SND1: variants seen among roughly 807,000 people sequenced by gnomAD.
The protein encoded by SND1 is staphylococcal nuclease domain-containing protein 1.
A neutral mutation model predicts 121.7 loss-of-function variants in SND1; 38 were observed. The observed-to-expected ratio is 0.31, with a 90% CI of 0.24 to 0.41. The LOEUF (loss-of-function observed/expected upper bound fraction) is 0.41, where lower values mean the gene tolerates loss of function less well. Ranked by LOEUF, SND1 falls within the 10% of genes least tolerant of loss-of-function variation. The pLI is 1.00. For missense variants in SND1, 868 were observed against 1,184.6 expected (o/e 0.73, Z 3.92); for synonymous variants, 401 against 447.4 (o/e 0.90, Z 1.31).
intron 16 of SND1, among the ~76,000 whole-genome samples, chr7:128,063,287 C>A (rs756548924): frequency 3.3e-5 from 5 of 152,226 alleles, no homozygotes; most frequent in Non-Finnish European, 7.3e-5. Flanking sequence ...GGAGGCCATC[C>A]TCACTCCAGT....
chr7:128,071,916 GGC>G (rs1793419816), intron 16 of SND1, among the ~76,000 whole-genome samples: 1 of 152,176 alleles, frequency 6.6e-6, no homozygotes, highest in African/African-American at 2.4e-5. Flanking sequence ...CGGCTGGCTG[GGC>G]CCAGGGACTT....
intron 15 of SND1, among the ~76,000 whole-genome samples, chr7:127,955,889 C>T (rs115453951): frequency 1.3e-3 from 203 of 152,198 alleles, no homozygotes; most frequent in African/African-American, 4.6e-3. Flanking sequence ...ATGATCTATA[C>T]CCTGTTCATC....
chr7:127,984,511 G>C (rs1379115558), intron 15 of SND1, among the ~76,000 whole-genome samples: 1 of 152,108 alleles, frequency 6.6e-6, no homozygotes, highest in Non-Finnish European at 1.5e-5. Context: ...TCTGCGCCCT[G>C]ACAGTTCATC....
intron 18 of SND1, among the ~76,000 whole-genome samples, chr7:128,083,691 A>G (rs1003970561): frequency 4.6e-5 from 7 of 152,224 alleles, no homozygotes; most frequent in African/African-American, 1.7e-4. Context: ...AACAACAGAC[A>G]TATGTTGCGC....
intron 9 of SND1, chr7:127,718,577 G>A: frequency 1.0e-6 from 1 of 985,404 alleles, no homozygotes; most frequent in South Asian, 4.7e-5. Flanking sequence ...AGTTCCTGAA[G>A]AGGAGGTTTC....
chr7:127,889,198 T>A (rs1255723160), intron 13 of SND1, among the ~76,000 whole-genome samples: 2 of 152,054 alleles, frequency 1.3e-5, no homozygotes, highest in Non-Finnish European at 2.9e-5. Context: ...AGCTCATTAA[T>A]GGTCATTTAA....
intron 15 of SND1, among the ~76,000 whole-genome samples, chr7:127,984,381 G>C (rs1286327101): frequency 6.6e-6 from 1 of 152,190 alleles, no homozygotes; most frequent in Non-Finnish European, 1.5e-5. Flanking sequence ...AATCCTTGAA[G>C]TGTTATATAA....
At chr7:128,068,220 C>A (rs947057082) in intron 16 of SND1, among the ~76,000 whole-genome samples, 1 of 152,164 alleles carries the variant, frequency 6.6e-6, no homozygotes, top group Non-Finnish European at 1.5e-5. Flanking sequence ...ATCTTCCCCA[C>A]ACTTACCACA....
rs540954697 is a variant in SND1 at position 127,935,598 on chromosome 7, G to A, written c.1669+6269G>A. Among the ~76,000 whole-genome samples, 53 of 152,290 alleles carry A rather than the reference G, an allele frequency of 3.5e-4. 1 individual carries two copies. The highest frequency in any genetic ancestry group is 3.5e-3 in the Admixed American group (53 of 15,296). ...AAGGGATGAGATGCATGGAGAACGT[G>A]GTTTGAGGGAGTAGGCTTGGAGAGA... On this transcript the variant is annotated intron_variant, in intron 15 of 23. Coordinates refer to ENST00000354725, the MANE Select transcript of SND1 (RefSeq NM_014390.4).
chr7:127,930,132 C>T (rs1198195947), intron 15 of SND1, among the ~76,000 whole-genome samples: 1 of 152,052 alleles, frequency 6.6e-6, no homozygotes, highest in African/African-American at 2.4e-5. Context: ...CCACCACCAC[C>T]CCCACCCCGC....
chr7:127,982,638 G>A (rs189286451), intron 15 of SND1, among the ~76,000 whole-genome samples: 1 of 152,306 alleles, frequency 6.6e-6, no homozygotes, highest in East Asian at 1.9e-4. Flanking sequence ...ACAAACTGTA[G>A]CCTCATATCA....
chr7:128,054,111 G>A (rs1793095701), intron 16 of SND1, among the ~76,000 whole-genome samples: 1 of 152,258 alleles, frequency 6.6e-6, no homozygotes, highest in Non-Finnish European at 1.5e-5. Flanking sequence ...CTGGGGCTGA[G>A]TGAATGACCT....
At chr7:128,022,998 G>A (rs922028214) in intron 16 of SND1, among the ~76,000 whole-genome samples, 1 of 152,150 alleles carries the variant, frequency 6.6e-6, no homozygotes, top group South Asian at 2.1e-4. Flanking sequence ...CTCTTGGAAA[G>A]TTGATCTCCC....
chr7:127,935,071 C>T (rs1801032257), intron 15 of SND1, among the ~76,000 whole-genome samples: 2 of 152,082 alleles, frequency 1.3e-5, no homozygotes, highest in Non-Finnish European at 2.9e-5. Context: ...GGCTTTTATG[C>T]TGTTTATCAA....
At chr7:127,756,933 T>C (rs73723068) in intron 10 of SND1, among the ~76,000 whole-genome samples, 2,597 of 152,316 alleles carry the variant, frequency 0.017, 93 homozygotes, top group African/African-American at 0.059. Flanking sequence ...AAATACTTTT[T>C]AAATTGAGGT....
At chr7:127,878,562 T>C (rs1799732241) in intron 12 of SND1, among the ~76,000 whole-genome samples, 1 of 152,146 alleles carries the variant, frequency 6.6e-6, no homozygotes, top group Non-Finnish European at 1.5e-5. Context: ...CCACACTAGT[T>C]ACCAAAGCCT....
intron 14 of SND1, among the ~76,000 whole-genome samples, chr7:127,924,504 T>C (rs1800791630): frequency 6.6e-6 from 1 of 152,162 alleles, no homozygotes; most frequent in African/African-American, 2.4e-5. Context: ...TTTGGGGACT[T>C]TCATTGGAGA....
At chr7:127,690,145 A>G (rs984119991) in intron 2 of SND1, among the ~76,000 whole-genome samples, 1 of 151,938 alleles carries the variant, frequency 6.6e-6, no homozygotes, top group Non-Finnish European at 1.5e-5. Flanking sequence ...TTTTTGAAAC[A>G]TAATTTTATT....
chr7:127,675,530 T>C (rs1314695674), intron 1 of SND1, among the ~76,000 whole-genome samples: 2 of 152,178 alleles, frequency 1.3e-5, no homozygotes, highest in Non-Finnish European at 2.9e-5. Context: ...TTTTCTCAGA[T>C]TGCAACACTT....
Sources: gnomAD v4.1 joint callset for allele counts (sites outside exome capture counted in the v4.1 genomes callset) on GRCh38, gnomAD v4.1.1 for gene constraint, MANE v1.5 for transcripts, NCBI Gene and HGNC (gene_info 2026-07-23, HGNC 2026-07-21) for gene names.